The following SLC4A4 variants were observed in gnomAD, a reference collection of about 807,000 sequenced individuals.
The protein encoded by SLC4A4 is electrogenic sodium bicarbonate cotransporter 1.
SLC4A4 carries 27 observed loss-of-function variants against 111.5 expected under a neutral mutation model. The observed-to-expected ratio is 0.24, with a 90% CI of 0.18 to 0.33. The LOEUF (loss-of-function observed/expected upper bound fraction) is 0.33, where lower values mean the gene tolerates loss of function less well. Ranked by LOEUF, SLC4A4 falls within the 10% of genes least tolerant of loss-of-function variation. The pLI is 1.00. For missense variants in SLC4A4, 909 were observed against 1,315.5 expected (o/e 0.69, Z 4.78); for synonymous variants, 443 against 463.4 (o/e 0.96, Z 0.57).
At chr4:71,321,138 C>G (rs1727086913) in intron 3 of SLC4A4, among the ~76,000 whole-genome samples, 1 of 151,938 alleles carries the variant, frequency 6.6e-6, no homozygotes, top group Non-Finnish European at 1.5e-5. Context: ...ATATCCTTAG[C>G]CAGCCCACAT....
At chr4:71,147,947 C>T (rs1432405723) in intron 2 of SLC4A4, among the ~76,000 whole-genome samples, 3 of 152,122 alleles carry the variant, frequency 2.0e-5, no homozygotes, top group Non-Finnish European at 2.9e-5. Flanking sequence ...CAAGAAAGTC[C>T]TGGGCCTGAC....
At position 71,329,851 on chromosome 4, in the gene SLC4A4, T is replaced by C. The variant is rs182533369; in HGVS notation, c.254-9519T>C. Among the ~76,000 whole-genome samples, 345 of 152,260 alleles carry C rather than the reference T, an allele frequency of 2.3e-3. 1 individual carries two copies. The highest frequency in any genetic ancestry group is 7.5e-3 in the African/African-American group (310 of 41,566). ...TCTTGCTAGGACTTCTAGTACTGTG[T>C]TGAATAACTGGTGAAAGTGGGCATC... On this transcript the variant is annotated intron_variant, in intron 3 of 25. Coordinates refer to ENST00000264485, the MANE Select transcript of SLC4A4 (RefSeq NM_001098484.3).
upstream of SLC4A4, among the ~76,000 whole-genome samples, chr4:71,183,691 A>C (rs1203310182): frequency 1.3e-5 from 2 of 152,244 alleles, no homozygotes; most frequent in Non-Finnish European, 2.9e-5. Flanking sequence ...AAATTGATAC[A>C]GAGTGACAAC....
At chr4:71,192,079 C>A (rs775154859) in intron 1 of SLC4A4, among the ~76,000 whole-genome samples, 3 of 152,102 alleles carry the variant, frequency 2.0e-5, no homozygotes, top group Non-Finnish European at 2.9e-5. Flanking sequence ...ATATTGAAGA[C>A]GTCTTCTTAT....
At chr4:71,300,829 C>A (rs573911501) in intron 3 of SLC4A4, 48 of 437,950 alleles carry the variant, frequency 1.1e-4, no homozygotes, top group Admixed American at 2.9e-4. Flanking sequence ...TGCAGAGAAG[C>A]AGTGCTGGAG....
At chr4:71,245,635 G>T (rs1347508890) in intron 2 of SLC4A4, among the ~76,000 whole-genome samples, 1 of 152,036 alleles carries the variant, frequency 6.6e-6, no homozygotes, top group Non-Finnish European at 1.5e-5. Flanking sequence ...TGAAGCACCT[G>T]TGAGATACCG....
intron 2 of SLC4A4, among the ~76,000 whole-genome samples, chr4:71,242,511 T>C (rs1278104882): frequency 3.3e-5 from 5 of 152,092 alleles, no homozygotes; most frequent in African/African-American, 4.8e-5. Flanking sequence ...CTTTGTAAAA[T>C]GGGAGCAATG....
At chr4:71,110,236 A>G (rs1171338674) in intron 2 of SLC4A4, among the ~76,000 whole-genome samples, 1 of 152,028 alleles carries the variant, frequency 6.6e-6, no homozygotes, top group Non-Finnish European at 1.5e-5. Context: ...ATTTTCTTAG[A>G]CAGGGTCTCA....
intron 7 of SLC4A4, among the ~76,000 whole-genome samples, chr4:71,410,990 A>G (rs1721314558): frequency 6.6e-6 from 1 of 152,232 alleles, no homozygotes; most frequent in African/African-American, 2.4e-5. Flanking sequence ...GTGGGCATAT[A>G]TAGCAAATGT....
At chr4:71,275,949 G>A (rs965567530) in intron 3 of SLC4A4, among the ~76,000 whole-genome samples, 12 of 152,190 alleles carry the variant, frequency 7.9e-5, no homozygotes, top group Admixed American at 5.9e-4. Flanking sequence ...AGATGTGGCT[G>A]CCAGGCTCTC....
intron 3 of SLC4A4, among the ~76,000 whole-genome samples, chr4:71,338,047 G>A (rs923706754): frequency 6.6e-6 from 1 of 152,016 alleles, no homozygotes; most frequent in Non-Finnish European, 1.5e-5. Context: ...TGGCCAGGCT[G>A]GTCTCGAACT....
chr4:71,101,840 G>A (rs958827088), intron 2 of SLC4A4, among the ~76,000 whole-genome samples: 2 of 151,864 alleles, frequency 1.3e-5, no homozygotes, highest in African/African-American at 4.8e-5. Flanking sequence ...ACAGAAAAAC[G>A]GGAAACTCTA....
At chr4:71,263,456 A>C (rs73826217) in intron 3 of SLC4A4, among the ~76,000 whole-genome samples, 1,859 of 152,276 alleles carry the variant, frequency 0.012, 45 homozygotes, top group African/African-American at 0.042. Flanking sequence ...CTTCTTTTGA[A>C]TCATGTTCTG....
intron 21 of SLC4A4, among the ~76,000 whole-genome samples, chr4:71,556,087 T>C (rs1455776212): frequency 6.6e-6 from 1 of 152,008 alleles, no homozygotes; most frequent in African/African-American, 2.4e-5. Flanking sequence ...AAAATAGTCC[T>C]TGCTTTTGCT....
intron 3 of SLC4A4, among the ~76,000 whole-genome samples, chr4:71,329,808 C>A (rs1386397020): frequency 6.6e-6 from 1 of 151,892 alleles, no homozygotes; most frequent in Non-Finnish European, 1.5e-5. Context: ...CCCTTTATTT[C>A]TTCTCTTGTT....
At chr4:71,267,161 G>C (rs930593816) in intron 3 of SLC4A4, among the ~76,000 whole-genome samples, 1 of 152,128 alleles carries the variant, frequency 6.6e-6, no homozygotes, top group African/African-American at 2.4e-5. Context: ...AGTCAGTTTG[G>C]AGAGACACTA....
At chr4:71,353,476 AC>A (rs1730025652) in intron 5 of SLC4A4, among the ~76,000 whole-genome samples, 2 of 152,200 alleles carry the variant, frequency 1.3e-5, no homozygotes, top group South Asian at 2.1e-4. Context: ...TAGCTAAAAA[AC>A]ATCTTAATCC....
intron 1 of SLC4A4, among the ~76,000 whole-genome samples, chr4:71,073,884 G>C (rs1741734935): frequency 6.6e-6 from 1 of 152,166 alleles, no homozygotes; most frequent in Admixed American, 6.5e-5. Context: ...AGGAGTTCAA[G>C]ATCAGCCTGG....
rs556912782 is a variant in SLC4A4, at chr4:71,387,635, C to G, written c.731-9942C>G. On this transcript the variant is annotated intron_variant, in intron 6 of 25. Transcript: ENST00000264485. ...TCAGCCTCCCGAGTAGCTGGGATTA[C>G]AGGCGTGCACCACCACGCCTGGCTA... Among the ~76,000 whole-genome samples the G allele has an allele frequency of 1.1e-3, 175 of 152,220 alleles. 4 individuals are homozygous for G. The highest frequency in any genetic ancestry group is 0.011 in the Admixed American group (173 of 15,288).
Sources: gnomAD v4.1 joint callset for allele counts (sites outside exome capture counted in the v4.1 genomes callset) on GRCh38, gnomAD v4.1.1 for gene constraint, MANE v1.5 for transcripts, NCBI Gene and HGNC (gene_info 2026-07-23, HGNC 2026-07-21) for gene names.